CHMP7: variants seen among roughly 807,000 people sequenced by gnomAD.
CHMP7 encodes the protein CHMP family, member 7.
CHMP7 carries 15 observed loss-of-function variants against 53.7 expected under a neutral mutation model. The ratio of observed to expected loss-of-function variants is 0.28; its 90% CI spans 0.19 to 0.43. The LOEUF is 0.43. CHMP7 is among the 20% of genes least tolerant of loss of function. The pLI is 1.00. For synonymous variants in CHMP7, 261 were observed against 228.0 expected, an observed-to-expected ratio of 1.14 and a Z score of -1.30; for missense variants, 527 against 569.4, an observed-to-expected ratio of 0.93 and a Z score of 0.76.
rs1226932351 is a variant in CHMP7, at chr8:23,243,647, C to G, written c.-638C>G. 6.6e-6 allele frequency: 1 copy of G among 152,486 alleles called. No individual in the cohort carries two copies. The highest frequency in any genetic ancestry group is 1.5e-5 in the Non-Finnish European group (1 of 68,220). The allele number at this position is 152,486 out of a possible 1,614,324, so 9.4% of individuals were successfully genotyped here. On this transcript the variant is annotated 5_prime_UTR_variant, in exon 1 of 11. Transcript: ENST00000397677. ...CCTTAAACACCCTGGGCTGCCTCCT[C>G]TGACTGTTATGCAGCAGGCCGGCAG... is the stretch of plus-strand genomic sequence containing the variant.
chr8:23,248,859 G>A (rs1355572869), intron 2 of CHMP7, among the ~76,000 whole-genome samples: 1 of 152,202 alleles, frequency 6.6e-6, no homozygotes, highest in Admixed American at 6.5e-5. Context: ...TGTAAAAGGA[G>A]ATCTCACCGA....
In CHMP7 at chr8:23,249,210, T is replaced by A; in HGVS notation, c.300T>A (p.Arg100=). Residue 100 remains arginine (R), a splice_region_variant and synonymous_variant, in exon 3 of 11, where the codon CGT becomes CGA. Coordinates refer to ENST00000397677, the MANE Select transcript of CHMP7 (RefSeq NM_152272.5). ...GLATVLQDLL[R]RGELQRESDF... is the part of the protein sequence containing the mutation. ...ACGCCCTTCTTTTTCTTCCCTGCAG[T>A]CGAGGGGAGCTGCAGCGGGAGTCAG... is the stretch of plus-strand genomic sequence containing the variant. 6.3e-7 allele frequency: 1 copy of A among 1,581,196 alleles called. No homozygotes were observed. Among genetic ancestry groups the A allele is most frequent in the Non-Finnish European group, 8.6e-7 (1 of 1,165,700 alleles).
intron 5 of CHMP7, among the ~76,000 whole-genome samples, chr8:23,257,741 C>T (rs1802197149): frequency 6.6e-6 from 1 of 152,210 alleles, no homozygotes; most frequent in South Asian, 2.1e-4. Context: ...ACAGTTCCTT[C>T]CCTGTCTCCC....
intron 3 of CHMP7, among the ~76,000 whole-genome samples, chr8:23,250,534 C>G (rs916150223): frequency 6.6e-6 from 1 of 152,008 alleles, no homozygotes; most frequent in African/African-American, 2.4e-5. Flanking sequence ...TCACCACTTC[C>G]TACCTCCCAT....
At chr8:23,257,347 C>T (rs1032611082) in intron 5 of CHMP7, among the ~76,000 whole-genome samples, 2 of 152,166 alleles carry the variant, frequency 1.3e-5, no homozygotes, top group African/African-American at 4.8e-5. Flanking sequence ...ACCCCCACCT[C>T]AGCCTCCCAA....
At chr8:23,259,851 G>A (rs879668678) in intron 9 of CHMP7, 39 of 359,032 alleles carry the variant, frequency 1.1e-4, no homozygotes, top group Non-Finnish European at 1.7e-4. Context: ...TCTGTGCTGC[G>A]GCATTCCTCA....
chr8:23,246,406 C>T lies in CHMP7; in HGVS notation c.-290C>T, dbSNP rs934422633. The T allele has an allele frequency of 4.4e-6, 2 of 458,396 alleles. No homozygotes were observed. Among genetic ancestry groups the T allele is most frequent in the African/African-American group, 2.0e-5 (1 of 50,066 alleles). The allele number at this position is 458,396 out of a possible 1,614,324, so 28.4% of individuals were successfully genotyped here. ...TTGAAGGAGACGTAAGGTGCAGCCA[C>T]CTGCCGCGCAGGCGCAAGCCTTTCT... On this transcript the variant is annotated 5_prime_UTR_variant, in exon 2 of 11. Transcript: ENST00000397677.
At chr8:23,251,960 A>G (rs1801946467) in intron 3 of CHMP7, among the ~76,000 whole-genome samples, 1 of 152,034 alleles carries the variant, frequency 6.6e-6, no homozygotes, top group Non-Finnish European at 1.5e-5. Context: ...CTACTTTTCA[A>G]AAGTTTGTAA....
chr8:23,257,715 G>A (rs111600031), intron 5 of CHMP7, among the ~76,000 whole-genome samples: 20 of 152,220 alleles, frequency 1.3e-4, no homozygotes, highest in African/African-American at 4.3e-4. Flanking sequence ...TATGTCCGAG[G>A]TCATTGTTGG....
chr8:23,254,432 T>C (rs752238639), intron 3 of CHMP7, among the ~76,000 whole-genome samples: 4 of 152,236 alleles, frequency 2.6e-5, no homozygotes, highest in Non-Finnish European at 4.4e-5. Flanking sequence ...TTTGCTCTTG[T>C]CGCCCAGGCT....
chr8:23,259,913 G>T, intron 9 of CHMP7: 1 of 490,690 alleles, frequency 2.0e-6, no homozygotes. Flanking sequence ...TGGGAATCAG[G>T]GTCAGGTCCA....
chr8:23,252,400 G>C (rs1226783782), intron 3 of CHMP7: 1 of 151,874 alleles, frequency 6.6e-6, no homozygotes, highest in Non-Finnish European at 1.5e-5. Flanking sequence ...TAGCCAGGAT[G>C]GTCTCGATCT....
chr8:23,256,325 G>T (rs1563409215), intron 4 of CHMP7, 135 bp from the exon 5 acceptor site: 1 of 690,574 alleles, frequency 1.4e-6, no homozygotes, highest in East Asian at 2.5e-5. Context: ...CTCCACAGGG[G>T]ATTCCATTCA....
At chr8:23,249,146 C>T (rs1801823349) in intron 2 of CHMP7, 64 bp from the exon 3 acceptor site, 13 of 1,368,710 alleles carry the variant, frequency 9.5e-6, no homozygotes, top group Middle Eastern at 5.4e-4. Flanking sequence ...AAAGGGGGAG[C>T]TAGAGACTGG....
At chr8:23,249,405 T>A in intron 3 of CHMP7, 24 bp downstream of exon 3, 1 of 1,568,894 alleles carries the variant, frequency 6.4e-7, no homozygotes, top group Non-Finnish European at 8.6e-7. Flanking sequence ...AGGGGGTGTC[T>A]GGGTGTCACC....
At position 23,259,430 on chromosome 8, in the gene CHMP7, G is replaced by A. The variant is rs540393601; in HGVS notation, c.1120+304G>A. 5.3e-5 allele frequency among the ~76,000 whole-genome samples: 8 copies of A among 151,378 alleles called. No homozygotes were observed. The South Asian group carries it at 6.3e-4, about 12-fold the overall frequency. The stretch of plus-strand genomic sequence containing the variant: ...GGCTGGAGTGCAGTGACGCATTCTC[G>A]GCTCGCTGCAACCTCCGCCTCCTGG... On this transcript the variant is annotated intron_variant, in intron 9 of 10. Transcript: ENST00000397677.
chr8:23,259,232 G>C (rs540135226), intron 9 of CHMP7, 106 bp downstream of exon 9: 1 of 582,228 alleles, frequency 1.7e-6, no homozygotes, highest in East Asian at 3.2e-5. Context: ...GCAGTGGCGG[G>C]ATCTCGGCTC....
At chr8:23,256,928 T>G (rs556296076) in intron 5 of CHMP7, among the ~76,000 whole-genome samples, 31 of 150,974 alleles carry the variant, frequency 2.1e-4, no homozygotes, top group African/African-American at 5.1e-4. Context: ...GAGTAGCTGG[T>G]ACTACAGCCA....
At chr8:23,245,552 A>G (rs933750740) in intron 1 of CHMP7, among the ~76,000 whole-genome samples, 1 of 152,212 alleles carries the variant, frequency 6.6e-6, no homozygotes, top group African/African-American at 2.4e-5. Flanking sequence ...TTTTGCATCT[A>G]TATTCACAAG....
Sources: allele counts gnomAD v4.1 joint callset (sites outside exome capture counted in the v4.1 genomes callset), GRCh38; gene constraint gnomAD v4.1.1; transcripts MANE v1.5; gene names NCBI Gene and HGNC (gene_info 2026-07-23, HGNC 2026-07-21).